The following MDN1 variants were observed in gnomAD, a reference collection of about 807,000 sequenced individuals.
MDN1 encodes the protein midasin AAA ATPase 1, also known as midasin.
A neutral mutation model predicts 669.2 loss-of-function variants in MDN1; 266 were observed. The observed-to-expected ratio is 0.40, with a 90% confidence interval of 0.36 to 0.44. MDN1 has a LOEUF of 0.44. Among genes scored for constraint, MDN1 ranks in the 20% least tolerant of loss-of-function variants. The pLI, the probability that MDN1 is intolerant of heterozygous loss-of-function variation, is 1.00. For synonymous variants in MDN1, 2,385 were observed against 2,457.1 expected, an observed-to-expected ratio of 0.97 and a Z score of 0.87; for missense variants, 5,940 against 6,754.0, an observed-to-expected ratio of 0.88 and a Z score of 4.22.
rs979531324 is a variant in MDN1 at position 89,662,668 on chromosome 6, G to A, written c.14412+124C>T. On this transcript the variant is annotated intron_variant, in intron 86 of 101. Transcript: ENST00000369393. ...AGATAGGATAGAAAAAAGAAAAAGA[G>A]GAATAGAAAAAAGAGAACAAAACAA... 1.7e-5 allele frequency: 19 copies of A among 1,145,070 alleles called. No homozygotes were observed. In the African/African-American group the frequency reaches 2.7e-4, roughly 16 times the overall value. 70.9% of individuals were successfully genotyped at this position (1,145,070 alleles called of 1,614,324 possible). A position where few individuals can be genotyped will look rare whatever the true frequency, so the allele number is the denominator to read the frequency against.
At chr6:89,793,041 G>C (rs1819364286) in intron 5 of MDN1, among the ~76,000 whole-genome samples, 1 of 152,130 alleles carries the variant, frequency 6.6e-6, no homozygotes, top group South Asian at 2.1e-4. Flanking sequence ...GACTGCTATG[G>C]AAAAAGAGAC....
intron 1 of MDN1, among the ~76,000 whole-genome samples, chr6:89,810,360 C>G (rs558641525): frequency 2.6e-5 from 4 of 151,750 alleles, no homozygotes; most frequent in Non-Finnish European, 5.9e-5. Context: ...CGCTTGAACC[C>G]GGGAAGCAGA....
intron 13 of MDN1, among the ~76,000 whole-genome samples, 166 bp from the exon 14 acceptor site, chr6:89,772,887 T>C (rs1818176274): frequency 6.6e-6 from 1 of 152,184 alleles, no homozygotes; most frequent in Non-Finnish European, 1.5e-5. Flanking sequence ...AATTACAGAA[T>C]TTAGTTGCTC....
chr6:89,739,639 G>A (rs1465301094), intron 32 of MDN1, among the ~76,000 whole-genome samples: 1 of 152,152 alleles, frequency 6.6e-6, no homozygotes, highest in East Asian at 1.9e-4. Flanking sequence ...AAGGTTTCTT[G>A]AGCTGGAAAC....
chr6:89,758,843 G>A lies in MDN1; in HGVS notation c.2578C>T (p.Leu860=), dbSNP rs551693924. The part of the protein sequence containing the change: ...SGLLEGSSGS[L]VLLDRGDTEP... ...GTGTCTCCTCGATCCAGCAACACCA[G>A]GGATCCAGAAGATCCTTCAAGCAAA... Residue 860 remains leucine, a synonymous_variant, in exon 18 of 102, where the codon CTG becomes TTG. Transcript: ENST00000369393. 1 of 1,614,090 alleles carries A rather than the reference G, an allele frequency of 6.2e-7. No individual in the cohort carries two copies. The highest frequency in any genetic ancestry group is 8.5e-7 in the Non-Finnish European group (1 of 1,180,012).
intron 7 of MDN1, 137 bp from the exon 8 acceptor site, chr6:89,788,094 A>G (rs1234626242): frequency 3.0e-5 from 22 of 733,804 alleles, no homozygotes; most frequent in Non-Finnish European, 4.8e-5. Context: ...AACTGGGGTC[A>G]GTATGCAGGT....
intron 64 of MDN1, 57 bp downstream of exon 64, chr6:89,690,616 A>G (rs531392085): frequency 4.5e-5 from 71 of 1,578,646 alleles, no homozygotes; most frequent in Non-Finnish European, 5.8e-5. Context: ...ATCAGAGGGA[A>G]TGTATATGGC....
At chr6:89,662,665 A>G in intron 86 of MDN1, 127 bp downstream of exon 86, 2 of 1,126,612 alleles carry the variant, frequency 1.8e-6, no homozygotes, top group Middle Eastern at 2.0e-4. Context: ...AAAAAGAAAA[A>G]GAGGAATAGA....
At chr6:89,809,980 G>T (rs958309583) in intron 1 of MDN1, among the ~76,000 whole-genome samples, 4 of 99,126 alleles carry the variant, frequency 4.0e-5, no homozygotes, top group African/African-American at 1.3e-4. Context: ...AACAGAGTGA[G>T]ACTCCGTTTC....
chr6:89,688,699 C>G lies in MDN1; in HGVS notation c.11133G>C (p.Gly3711=). 1 of 1,614,144 alleles carries G rather than the reference C, an allele frequency of 6.2e-7. No individual in the cohort carries two copies. The highest frequency in any genetic ancestry group is 8.5e-7 in the Non-Finnish European group (1 of 1,180,026). ...APSDLMVKPD[G]PYDFYQHPNV... ...TGGGATGCTGGTAGAAGTCATAGGG[C>G]CCATCAGGTTTCACCATCAGGTCTG... The change falls in exon 66 of 102, where the codon GGG becomes GGC. Residue 3711 remains glycine (G), a synonymous_variant. Transcript: ENST00000369393.
intron 10 of MDN1, 118 bp from the exon 11 acceptor site, chr6:89,780,411 C>A: frequency 2.0e-6 from 1 of 494,874 alleles, no homozygotes; most frequent in South Asian, 5.5e-5. Context: ...TTTCTTCTTT[C>A]TTCTGACAAT....
chr6:89,753,571 C>T lies in MDN1; in HGVS notation c.3016G>A (p.Val1006Ile). 6.2e-7 allele frequency: 1 copy of T among 1,613,980 alleles called. No homozygotes were observed. The highest frequency in any genetic ancestry group is 1.1e-5 in the South Asian group (1 of 91,066). The change falls in exon 22 of 102, where the codon GTT (valine) becomes ATT (isoleucine). Residue 1006 changes from valine (V) to isoleucine (I), a missense_variant. By Grantham distance (29) the Val-to-Ile change is conservative. Transcript: ENST00000369393. ...TQLDRASHPI[V>I]QKLICQHIVP... ...ATGTGTTGACAGATGAGCTTCTGAACTATTGGGTGTGATGCCCTGTCAAGC... is the reference window on the plus strand; with the variant it reads ...ATGTGTTGACAGATGAGCTTCTGAATTATTGGGTGTGATGCCCTGTCAAGC...
chr6:89,692,364 A>G (rs1812427442), intron 63 of MDN1, 79 bp downstream of exon 63: 1 of 1,294,790 alleles, frequency 7.7e-7, no homozygotes, highest in Admixed American at 2.4e-5. Flanking sequence ...AGGCATGCTA[A>G]TGTCCTGCAG....
At chr6:89,664,771 G>T in intron 84 of MDN1, 143 bp from the exon 85 acceptor site, 1 of 622,766 alleles carries the variant, frequency 1.6e-6, no homozygotes, top group Non-Finnish European at 2.6e-6. Context: ...CAGCCACATG[G>T]AATTTGTAAA....
At chr6:89,707,701 GC>G (rs1168056677) in intron 51 of MDN1, among the ~76,000 whole-genome samples, 1 of 152,106 alleles carries the variant, frequency 6.6e-6, no homozygotes, top group African/African-American at 2.4e-5. Flanking sequence ...AGACTCCCAG[GC>G]CTTGGTCTGT....
chr6:89,766,063 G>C (rs1398289961), intron 15 of MDN1, among the ~76,000 whole-genome samples: 3 of 152,204 alleles, frequency 2.0e-5, no homozygotes, highest in African/African-American at 7.2e-5. Context: ...GGGACGCTGA[G>C]GCAGGCGAAT....
At chr6:89,689,816 C>A in intron 65 of MDN1, 54 bp downstream of exon 65, 2 of 1,557,512 alleles carry the variant, frequency 1.3e-6, no homozygotes, top group South Asian at 2.3e-5. Flanking sequence ...GCAACAGCAT[C>A]TATTTGCATT....
rs753972575 is a variant in MDN1 at position 89,794,648 on chromosome 6, A to C, written c.483T>G (p.Ser161=). ...AAFKFLQQEQ[S]VFRELWDWSV... ...TCCAGTCCCAGAGCTCCCGGAACAC[A>C]GACTGCTCCTGCTGCAGAAACTTGA... Residue 161 remains serine, a synonymous_variant, in exon 3 of 102, where the codon TCT becomes TCG. Transcript: ENST00000369393. 1 of 1,614,106 alleles carries C rather than the reference A, an allele frequency of 6.2e-7. No individual in the cohort carries two copies. The highest frequency in any genetic ancestry group is 1.7e-5 in the Admixed American group (1 of 60,014).
chr6:89,705,859 T>C (rs1305046027), intron 53 of MDN1, among the ~76,000 whole-genome samples, 200 bp downstream of exon 53: 4 of 152,190 alleles, frequency 2.6e-5, no homozygotes, highest in Non-Finnish European at 5.9e-5. Flanking sequence ...ACTTTAAATA[T>C]ATGCAGTTTA....
Sources: allele counts gnomAD v4.1 joint callset (sites outside exome capture counted in the v4.1 genomes callset), GRCh38; gene constraint gnomAD v4.1.1; transcripts MANE v1.5; gene names NCBI Gene and HGNC (gene_info 2026-07-23, HGNC 2026-07-21).